SIRPD: variants seen among roughly 807,000 people sequenced by gnomAD.
The protein encoded by SIRPD is signal-regulatory protein delta.
SIRPD carries 21 observed loss-of-function variants against 18.0 expected under a neutral mutation model. That is an observed-to-expected ratio of 1.17 (90% CI 0.83 to 1.68). SIRPD has a LOEUF of 1.68. SIRPD is among the 40% of genes most tolerant of loss of function. SIRPD has a pLI of 0.00. For synonymous variants in SIRPD, 106 were observed against 92.9 expected (o/e 1.14, Z -0.81); for missense variants, 295 against 238.4 (o/e 1.24, Z -1.56).
intron 2 of SIRPD, among the ~76,000 whole-genome samples, chr20:1,544,857 T>C (rs2090986976): frequency 6.6e-6 from 1 of 152,226 alleles, no homozygotes; most frequent in Non-Finnish European, 1.5e-5. Context: ...AAGGATTTTA[T>C]TTATCTTCAT....
In SIRPD at chr20:1,552,008, G is replaced by T; in HGVS notation, c.104C>A (p.Thr35Lys). ...GVTHVFHVQQ[T>K]EMSQTVSTGE... ...AGTTGATACAGTCTGTGACATCTCC[G>T]TTTGTTGCACATGGAACACATGTGT... Residue 35 changes from threonine (T) to lysine (K), a missense_variant, in exon 2 of 4, where the codon ACG (threonine) becomes AAG (lysine). Physicochemically the swap from Thr to Lys is moderately conservative, Grantham distance 78. Coordinates refer to ENST00000381623, the MANE Select transcript of SIRPD (RefSeq NM_178460.3). 1 of 1,613,842 alleles carries T rather than the reference G, an allele frequency of 6.2e-7. No individual in the cohort carries two copies.
At chr20:1,546,722 C>A (rs942552285) in intron 2 of SIRPD, among the ~76,000 whole-genome samples, 1 of 152,234 alleles carries the variant, frequency 6.6e-6, no homozygotes, top group African/African-American at 2.4e-5. Flanking sequence ...ATGAGGTTTA[C>A]AATTCCTCTA....
intron 1 of SIRPD, among the ~76,000 whole-genome samples, chr20:1,553,194 C>T (rs1371390655): frequency 6.6e-6 from 1 of 152,198 alleles, no homozygotes; most frequent in Admixed American, 6.5e-5. Context: ...CAAGACCCCT[C>T]ATTCTGGTCT....
intron 2 of SIRPD, among the ~76,000 whole-genome samples, chr20:1,537,540 G>T (rs2090952617): frequency 6.6e-6 from 1 of 152,174 alleles, no homozygotes; most frequent in South Asian, 2.1e-4. Context: ...TGTCAGGTGT[G>T]CTGGTGACCC....
chr20:1,548,004 G>A lies in SIRPD; in HGVS notation c.421+3687C>T, dbSNP rs58097778. Among the ~76,000 whole-genome samples, 1,391 of 152,234 alleles carry A rather than the reference G, an allele frequency of 9.1e-3. 22 individuals are homozygous for A. Among genetic ancestry groups the A allele is most frequent in the African/African-American group, 0.033 (1,357 of 41,516 alleles). On this transcript the variant is annotated intron_variant, in intron 2 of 3. Coordinates refer to ENST00000381623, the MANE Select transcript of SIRPD (RefSeq NM_178460.3). ...TAGTGGGTTCCTTAGGATTTTCTAT[G>A]TACAAGAACATGCCATTTGTCAATA... is the stretch of plus-strand genomic sequence containing the variant.
At chr20:1,549,337 C>T (rs978006540) in intron 2 of SIRPD, among the ~76,000 whole-genome samples, 4 of 150,600 alleles carry the variant, frequency 2.7e-5, no homozygotes, top group African/African-American at 9.8e-5. Context: ...TTAAGTTTGA[C>T]ATCTGATGGC....
chr20:1,552,055 A>G lies in SIRPD; in HGVS notation c.74-17T>C, dbSNP rs1893712187. On this transcript the variant is annotated splice_polypyrimidine_tract_variant and intron_variant, in intron 1 of 3. Coordinates refer to ENST00000381623, the MANE Select transcript of SIRPD (RefSeq NM_178460.3). ...GTGTGACTCCTGGAAAAAAGCTGAA[A>G]ATCATTTCTCATTTCCCCTGTTCTG... 1 of 1,601,818 alleles carries G rather than the reference A, an allele frequency of 6.2e-7. No homozygotes were observed. Among genetic ancestry groups the G allele is most frequent in the Non-Finnish European group, 8.5e-7 (1 of 1,171,056 alleles).
In SIRPD at chr20:1,551,858, C is replaced by T. The variant is rs1432534303; in HGVS notation, c.254G>A (p.Arg85Lys). 1.9e-6 allele frequency: 3 copies of T among 1,613,998 alleles called. No individual in the cohort carries two copies. The African/African-American group carries it at 4.0e-5, about 22-fold the overall frequency. The change falls in exon 2 of 4, where the codon AGA becomes AAA. Residue 85 changes from arginine (R) to lysine (K), a missense_variant. By Grantham distance (26) the Arg-to-Lys change is conservative (BLOSUM62 2). Transcript: ENST00000381623. The part of the protein sequence containing the change: ...IYNFKQGNFP[R>K]VKEIGDTTKP... The stretch of plus-strand genomic sequence containing the variant: ...GGTGGTGTCTCCAATCTCTTTTACT[C>T]TGGGAAAGTTACCTTGTTTGAAATT...
chr20:1,556,085 C>T (rs1160529053), intron 1 of SIRPD, among the ~76,000 whole-genome samples: 2 of 152,164 alleles, frequency 1.3e-5, no homozygotes, highest in Non-Finnish European at 2.9e-5. Flanking sequence ...TCTTTAAGGC[C>T]AGAAGTTGCA....
At chr20:1,537,471 G>C (rs1169804613) in intron 2 of SIRPD, among the ~76,000 whole-genome samples, 161 bp from the exon 3 acceptor site, 2 of 152,212 alleles carry the variant, frequency 1.3e-5, no homozygotes, top group Admixed American at 1.3e-4. Context: ...AAGGTGCTTG[G>C]AGGGGCCCTG....
intron 2 of SIRPD, among the ~76,000 whole-genome samples, chr20:1,543,356 T>C (rs1340851773): frequency 6.6e-6 from 1 of 152,188 alleles, no homozygotes; most frequent in Non-Finnish European, 1.5e-5. Context: ...TGGACTAGAC[T>C]TGGGAGGGTG....
At position 1,534,359 on chromosome 20, in the gene SIRPD, T is replaced by G; in HGVS notation, c.*66A>C. 1 of 1,599,662 alleles carries G rather than the reference T, an allele frequency of 6.3e-7. No homozygotes were observed. The highest frequency in any genetic ancestry group is 8.5e-7 in the Non-Finnish European group (1 of 1,174,936). Reference sequence around the variant, plus strand: ...AAATGAAACTCCTAAAAAGTAGCTGTCTCCAGGGAGTCAGAAGAGTATGGG... The same window carrying G: ...AAATGAAACTCCTAAAAAGTAGCTGGCTCCAGGGAGTCAGAAGAGTATGGG... On this transcript the variant is annotated 3_prime_UTR_variant, in exon 4 of 4. Transcript: ENST00000381623.
In SIRPD at chr20:1,557,496, A is replaced by C. The variant is rs1008162023; in HGVS notation, c.73+85T>G. On this transcript the variant is annotated intron_variant, in intron 1 of 3. Coordinates refer to ENST00000381623, the MANE Select transcript of SIRPD (RefSeq NM_178460.3). ...AGATGGAGAAAACCCTCCCAAAAGA[A>C]ATTCTATGGGAACAGGTGAGGGAGA... 1.5e-5 allele frequency: 18 copies of C among 1,217,632 alleles called. No individual in the cohort carries two copies. In the Middle Eastern group the frequency reaches 3.5e-3, roughly 237 times the overall value. 75.4% of individuals were successfully genotyped at this position (1,217,632 alleles called of 1,614,324 possible).
Position 1,551,676 on chromosome 20 carries a change from A to C in SIRPD, c.421+15T>G. 6.3e-7 allele frequency: 1 copy of C among 1,594,824 alleles called. No homozygotes were observed. Among genetic ancestry groups the C allele is most frequent in the Non-Finnish European group, 8.6e-7 (1 of 1,166,002 alleles). On this transcript the variant is annotated intron_variant, in intron 2 of 3. Transcript: ENST00000381623. Reference sequence around the variant, plus strand: ...TTATACACCAGGGGGTATGGGGTATAGGAGACATACTCACCAGTAACAAAC... The same window carrying C: ...TTATACACCAGGGGGTATGGGGTATCGGAGACATACTCACCAGTAACAAAC...
At chr20:1,539,145 C>A (rs965938487) in intron 2 of SIRPD, among the ~76,000 whole-genome samples, 1 of 152,194 alleles carries the variant, frequency 6.6e-6, no homozygotes, top group African/African-American at 2.4e-5. Context: ...CCAAGTACAG[C>A]AGTAACTACA....
At chr20:1,553,127 T>C (rs2091026477) in intron 1 of SIRPD, among the ~76,000 whole-genome samples, 1 of 152,190 alleles carries the variant, frequency 6.6e-6, no homozygotes, top group Non-Finnish European at 1.5e-5. Flanking sequence ...TGTCAGGGAA[T>C]GACTCAACCC....
chr20:1,535,305 A>C (rs920040492), intron 3 of SIRPD, among the ~76,000 whole-genome samples: 7 of 152,214 alleles, frequency 4.6e-5, no homozygotes, highest in Non-Finnish European at 8.8e-5. Flanking sequence ...CCATTGACCC[A>C]GGTTTCAATG....
In SIRPD at chr20:1,550,309, A is replaced by T. The variant is rs73569173; in HGVS notation, c.421+1382T>A. ...TAGCAACAACGAATAAAATGTTGAC[A>T]ACATGGCATACAAAAGGCTAATGTG... On this transcript the variant is annotated intron_variant, in intron 2 of 3. Transcript: ENST00000381623. 9.1e-3 allele frequency among the ~76,000 whole-genome samples: 1,391 copies of T among 152,364 alleles called. 22 individuals are homozygous for T. The highest frequency in any genetic ancestry group is 0.033 in the African/African-American group (1,357 of 41,592).
intron 3 of SIRPD, among the ~76,000 whole-genome samples, chr20:1,536,876 G>A (rs560168703): frequency 1.2e-4 from 19 of 152,218 alleles, no homozygotes; most frequent in Admixed American, 1.2e-3. Context: ...CAGGGGTGTG[G>A]GAAGTGAGAG....
Sources: allele counts gnomAD v4.1 joint callset (sites outside exome capture counted in the v4.1 genomes callset), GRCh38; gene constraint gnomAD v4.1.1; transcripts MANE v1.5; gene names NCBI Gene and HGNC (gene_info 2026-07-23, HGNC 2026-07-21).